SERPINE2: variants seen among roughly 807,000 people sequenced by gnomAD.
SERPINE2 encodes glia-derived nexin.
SERPINE2 carries 14 observed loss-of-function variants against 36.3 expected under a neutral mutation model. The observed-to-expected ratio is 0.39, with a 90% confidence interval of 0.25 to 0.60. The LOEUF is 0.60. Among genes scored for constraint, SERPINE2 ranks in the 20% least tolerant of loss-of-function variants. The probability of loss-of-function intolerance (pLI) is 0.57; values close to 1 mark genes in which losing one functional copy is unlikely to be tolerated. For missense variants in SERPINE2, 418 were observed against 499.6 expected, an observed-to-expected ratio of 0.84 and a Z score of 1.56; for synonymous variants, 192 against 191.8, an observed-to-expected ratio of 1.00 and a Z score of -0.01.
At chr2:224,033,573 C>G (rs756237665) in intron 1 of SERPINE2, among the ~76,000 whole-genome samples, 3 of 151,866 alleles carry the variant, frequency 2.0e-5, no homozygotes, top group Non-Finnish European at 1.5e-5. Context: ...GTAACCTACA[C>G]GCTCTATTGG....
chr2:223,984,516 A>C lies in SERPINE2; in HGVS notation c.884+236T>G, dbSNP rs567859192. On this transcript the variant is annotated intron_variant, in intron 5 of 8. Transcript: ENST00000409304. ...TGCTTATGCTCATGTGGAGGTTTAGAGACCAAGGTTGCCCTCTCTCCTTTC... is the reference window on the plus strand; with the variant it reads ...TGCTTATGCTCATGTGGAGGTTTAGCGACCAAGGTTGCCCTCTCTCCTTTC... Among the ~76,000 whole-genome samples, 10 of 152,336 alleles carry C rather than the reference A, an allele frequency of 6.6e-5. No homozygotes were observed. The South Asian group carries it at 2.1e-3, about 32-fold the overall frequency.
rs1349932150 is a variant in SERPINE2 at position 223,975,287 on chromosome 2, A to C, written c.*580T>G. ...TGTCTAGCAAGACAGGAGTTTTTTA[A>C]ATTTTATTTTAGTGAATACATGCAT... On this transcript the variant is annotated 3_prime_UTR_variant, in exon 9 of 9. Transcript: ENST00000409304. 1.3e-5 allele frequency: 2 copies of C among 152,562 alleles called. No homozygotes were observed. The highest frequency in any genetic ancestry group is 2.4e-5 in the African/African-American group (1 of 41,438). The allele number at this position is 152,562 out of a possible 1,614,324, so 9.5% of individuals were successfully genotyped here. A position where few individuals can be genotyped will look rare whatever the true frequency, so the allele number is the denominator to read the frequency against.
Position 224,010,373 on chromosome 2 carries a change from C to T in SERPINE2, c.-22-8451G>A, listed in dbSNP as rs1040722423. On this transcript the variant is annotated intron_variant, in intron 1 of 8. Transcript: ENST00000409304. ...CAGCCGCTGAAAAGTATGGCAGCAA[C>T]ATCCAAATGGTCCCTTCAATGAAAA... 59 of 985,206 alleles carry T rather than the reference C, an allele frequency of 6.0e-5. No homozygotes were observed. In the Middle Eastern group the frequency reaches 1.6e-3, roughly 26 times the overall value. 61.0% of individuals were successfully genotyped at this position (985,206 alleles called of 1,614,324 possible).
At chr2:224,027,173 T>C (rs1692214512) in intron 1 of SERPINE2, among the ~76,000 whole-genome samples, 1 of 152,116 alleles carries the variant, frequency 6.6e-6, no homozygotes, top group Non-Finnish European at 1.5e-5. Flanking sequence ...GGCTTGGCAT[T>C]AGCACTACTG....
At chr2:223,999,479 G>A (rs1443171965) in intron 2 of SERPINE2, among the ~76,000 whole-genome samples, 1 of 152,142 alleles carries the variant, frequency 6.6e-6, no homozygotes. Flanking sequence ...CCTTTTACAC[G>A]GGGGAGGGGG....
intron 1 of SERPINE2, chr2:224,038,755 G>T (rs1692612619): frequency 1.9e-6 from 1 of 539,912 alleles, no homozygotes; most frequent in Admixed American, 3.3e-5. Context: ...GGCTCGGATG[G>T]CCGGGCAGGA....
intron 1 of SERPINE2, among the ~76,000 whole-genome samples, chr2:224,010,181 C>G (rs1312606345): frequency 6.6e-6 from 1 of 152,156 alleles, no homozygotes; most frequent in Non-Finnish European, 1.5e-5. Context: ...ATCAAGGGGA[C>G]AGCAGCTTGG....
intron 1 of SERPINE2, chr2:224,031,184 C>T (rs1335504563): frequency 2.0e-6 from 2 of 985,324 alleles, no homozygotes; most frequent in Non-Finnish European, 2.4e-6. Flanking sequence ...CGGGTCCAGG[C>T]TCTGGCACTG....
At chr2:224,001,429 T>C in intron 2 of SERPINE2, 2 of 522,280 alleles carry the variant, frequency 3.8e-6, no homozygotes, top group Non-Finnish European at 6.7e-6. Flanking sequence ...GCTCCAAAAG[T>C]ACAAAAAAGG....
intron 1 of SERPINE2, among the ~76,000 whole-genome samples, chr2:224,007,434 C>G (rs1432882493): frequency 6.6e-6 from 1 of 152,126 alleles, no homozygotes; most frequent in African/African-American, 2.4e-5. Flanking sequence ...TACTCAACAT[C>G]CAGAAAAAAC....
intron 1 of SERPINE2, chr2:224,038,531 T>A (rs1157518549): frequency 2.6e-6 from 4 of 1,551,036 alleles, no homozygotes; most frequent in Non-Finnish European, 3.5e-6. Flanking sequence ...TTTCTACAGA[T>A]GATGAAAATA....
intron 6 of SERPINE2, chr2:223,982,386 C>CG: frequency 3.9e-6 from 1 of 258,694 alleles, no homozygotes; most frequent in Admixed American, 5.2e-5. Context: ...GTATACTACT[C>CG]GGGGGAGGGG....
At chr2:224,007,298 T>G (rs532963425) in intron 1 of SERPINE2, among the ~76,000 whole-genome samples, 1 of 152,336 alleles carries the variant, frequency 6.6e-6, no homozygotes, top group Admixed American at 6.5e-5. Flanking sequence ...GGAAAAGTTC[T>G]CCATGCTCTC....
At chr2:224,006,254 T>A (rs1691419449) in intron 1 of SERPINE2, among the ~76,000 whole-genome samples, 1 of 152,220 alleles carries the variant, frequency 6.6e-6, no homozygotes, top group African/African-American at 2.4e-5. Flanking sequence ...TTCAACAGTT[T>A]GCTACCTGTT....
At chr2:223,977,944 A>G (rs55783864) in intron 7 of SERPINE2, 2,355 of 187,184 alleles carry the variant, frequency 0.013, 39 homozygotes, top group South Asian at 0.056. Flanking sequence ...TATAGCTCTT[A>G]GAACAGTGTT....
At chr2:224,029,199 G>C (rs1383732423) in intron 1 of SERPINE2, among the ~76,000 whole-genome samples, 2 of 152,146 alleles carry the variant, frequency 1.3e-5, no homozygotes, top group Non-Finnish European at 2.9e-5. Flanking sequence ...GATTCTTTTA[G>C]TATACACATT....
intron 3 of SERPINE2, among the ~76,000 whole-genome samples, chr2:223,997,063 T>G (rs1690917862): frequency 6.6e-6 from 1 of 152,046 alleles, no homozygotes; most frequent in African/African-American, 2.4e-5. Flanking sequence ...AGAGACAGAG[T>G]GAGACCCTGT....
At chr2:224,011,729 G>A (rs1016730468) in intron 1 of SERPINE2, among the ~76,000 whole-genome samples, 1 of 152,158 alleles carries the variant, frequency 6.6e-6, no homozygotes, top group African/African-American at 2.4e-5. Context: ...TATTGGAACA[G>A]TAATACCCCT....
intron 1 of SERPINE2, chr2:224,010,484 G>T: frequency 2.1e-6 from 1 of 485,982 alleles, no homozygotes; most frequent in Non-Finnish European, 2.7e-6. Context: ...TTGGGTTGAT[G>T]GGAAAAGGCT....
Sources: allele counts gnomAD v4.1 joint callset (sites outside exome capture counted in the v4.1 genomes callset), GRCh38; gene constraint gnomAD v4.1.1; transcripts MANE v1.5; gene names NCBI Gene and HGNC (gene_info 2026-07-23, HGNC 2026-07-21).